GTPBP10: variants seen among roughly 807,000 people sequenced by gnomAD.
GTPBP10 encodes the protein GTP-binding protein 10.
A neutral mutation model predicts 44.8 loss-of-function variants in GTPBP10; 38 were observed. That is an observed-to-expected ratio of 0.85 (90% confidence interval 0.65 to 1.11). GTPBP10 has a LOEUF of 1.11. Among genes scored for constraint, GTPBP10 ranks in the 50% most tolerant of loss-of-function variants. The pLI is 0.00. For missense variants in GTPBP10, 462 were observed against 453.7 expected (o/e 1.02, Z -0.17); for synonymous variants, 152 against 150.6 (o/e 1.01, Z -0.07).
intron 4 of GTPBP10, among the ~76,000 whole-genome samples, chr7:90,360,665 A>G (rs1170564603): frequency 6.6e-6 from 1 of 152,112 alleles, no homozygotes; most frequent in Admixed American, 6.5e-5. Flanking sequence ...GTTTTTTCCA[A>G]TTCTGTAAAG....
At chr7:90,359,429 A>G (rs905318647) in intron 4 of GTPBP10, among the ~76,000 whole-genome samples, 1 of 152,030 alleles carries the variant, frequency 6.6e-6, no homozygotes, top group Non-Finnish European at 1.5e-5. Flanking sequence ...GCTGAGAATG[A>G]TGGTTTCCAG....
intron 5 of GTPBP10, 63 bp downstream of exon 5, chr7:90,372,291 TCTGAGA>T: frequency 9.1e-7 from 1 of 1,097,324 alleles, no homozygotes; most frequent in East Asian, 2.5e-5. Flanking sequence ...CTAATATTTC[TCTGAGA>T]ATGAATAAAA....
intron 3 of GTPBP10, 104 bp from the exon 4 acceptor site, chr7:90,354,982 T>G: frequency 1.5e-6 from 1 of 663,754 alleles, no homozygotes; most frequent in Non-Finnish European, 2.5e-6. Flanking sequence ...ATCTATAGAT[T>G]TGTAATTTTG....
rs115832915 is a variant in GTPBP10, at chr7:90,376,252, A to G, written c.592-1255A>G. Reference sequence around the variant, plus strand: ...TCTCTCAAAAAAAGAAAAGAAAAGCACAAGTGTAAAATGATGGTTAATAAT... The same window carrying G: ...TCTCTCAAAAAAAGAAAAGAAAAGCGCAAGTGTAAAATGATGGTTAATAAT... On this transcript the variant is annotated intron_variant, in intron 6 of 9. Transcript: ENST00000222511. Among the ~76,000 whole-genome samples, 1,258 of 152,140 alleles carry G rather than the reference A, an allele frequency of 8.3e-3. 14 individuals are homozygous for G. The highest frequency in any genetic ancestry group is 0.028 in the African/African-American group (1,182 of 41,494).
At chr7:90,356,525 T>C (rs967440023) in intron 4 of GTPBP10, among the ~76,000 whole-genome samples, 3 of 152,208 alleles carry the variant, frequency 2.0e-5, no homozygotes. Flanking sequence ...TGGAGTGGCA[T>C]GGAGGACTCA....
intron 4 of GTPBP10, among the ~76,000 whole-genome samples, chr7:90,359,523 T>C (rs1445629782): frequency 1.3e-5 from 2 of 152,242 alleles, no homozygotes; most frequent in African/African-American, 2.4e-5. Flanking sequence ...TGCCACGTTT[T>C]CTTAATTCAG....
chr7:90,355,270 A>G, intron 4 of GTPBP10, 40 bp downstream of exon 4: 2 of 1,289,140 alleles, frequency 1.6e-6, no homozygotes, highest in Non-Finnish European at 2.1e-6. Context: ...ACTTTCAGAG[A>G]GAGAGTTCTT....
chr7:90,370,664 A>G (rs1395263478), intron 4 of GTPBP10, among the ~76,000 whole-genome samples: 1 of 152,166 alleles, frequency 6.6e-6, no homozygotes, highest in Non-Finnish European at 1.5e-5. Context: ...ATGTAACAAC[A>G]ACAACAAAAA....
intron 4 of GTPBP10, among the ~76,000 whole-genome samples, chr7:90,367,589 A>C (rs1796160146): frequency 6.6e-6 from 1 of 152,070 alleles, no homozygotes; most frequent in Admixed American, 6.6e-5. Flanking sequence ...TTTATCAGAG[A>C]CTAGGATTGC....
rs149486407 is a variant in GTPBP10, at chr7:90,377,586, T to C, written c.671T>C (p.Ile224Thr). 1.2e-5 allele frequency: 19 copies of C among 1,609,492 alleles called. No individual in the cohort carries two copies. Among genetic ancestry groups the C allele is most frequent in the Non-Finnish European group, 1.5e-5 (18 of 1,176,762 alleles). The change falls in exon 7 of 10, where the codon ATA becomes ACA. Residue 224 changes from isoleucine (I) to threonine (T), a missense_variant. Ile to Thr is a moderately conservative substitution (Grantham distance 89). Coordinates refer to ENST00000222511, the MANE Select transcript of GTPBP10 (RefSeq NM_033107.4). ...ATGGGCCACAAATTCCTCAAGCATA[T>C]AGAAAGAACTAGACAACTACTTTTT... ...KGMGHKFLKH[I>T]ERTRQLLFVV...
chr7:90,364,330 CTGTT>C (rs1292866968), intron 4 of GTPBP10, among the ~76,000 whole-genome samples: 2 of 152,120 alleles, frequency 1.3e-5, no homozygotes, highest in African/African-American at 2.4e-5. Context: ...GATGTCCTTT[CTGTT>C]TGTTAGTTTT....
intron 5 of GTPBP10, 54 bp downstream of exon 5, chr7:90,372,282 T>A: frequency 8.6e-7 from 1 of 1,158,808 alleles, no homozygotes; most frequent in Non-Finnish European, 1.3e-6. Flanking sequence ...TTTTAAAGAC[T>A]AATATTTCTC....
At chr7:90,359,603 C>T (rs1013507407) in intron 4 of GTPBP10, among the ~76,000 whole-genome samples, 11 of 152,120 alleles carry the variant, frequency 7.2e-5, no homozygotes, top group Non-Finnish European at 1.0e-4. Flanking sequence ...AATAAACATA[C>T]GTGTGCATCT....
intron 8 of GTPBP10, among the ~76,000 whole-genome samples, chr7:90,378,863 C>A (rs924246525): frequency 6.6e-6 from 1 of 151,930 alleles, no homozygotes; most frequent in Non-Finnish European, 1.5e-5. Flanking sequence ...CCACCACGCC[C>A]GGCTAATTTT....
intron 4 of GTPBP10, among the ~76,000 whole-genome samples, chr7:90,362,952 C>T (rs898899690): frequency 6.6e-6 from 1 of 152,122 alleles, no homozygotes; most frequent in Non-Finnish European, 1.5e-5. Flanking sequence ...ACTAGGGTTG[C>T]AACCCCTGCC....
intron 1 of GTPBP10, among the ~76,000 whole-genome samples, chr7:90,350,533 A>G (rs10235104): frequency 0.013 from 1,995 of 152,328 alleles, 48 homozygotes; most frequent in African/African-American, 0.044. Flanking sequence ...TTTGCTGGCA[A>G]TTAATTCTTT....
At chr7:90,373,603 A>G (rs1378247814) in intron 5 of GTPBP10, among the ~76,000 whole-genome samples, 1 of 152,214 alleles carries the variant, frequency 6.6e-6, no homozygotes, top group African/African-American at 2.4e-5. Context: ...GTCATAGGAA[A>G]GAGGCTAGCG....
chr7:90,385,272 A>C lies in GTPBP10; in HGVS notation c.*118A>C. ...AAATAAGCCAGGCTTAGAAAGACAA[A>C]TGCTGCATAATCTCACTGTGGAATC... On this transcript the variant is annotated 3_prime_UTR_variant, in exon 10 of 10. Coordinates refer to ENST00000222511, the MANE Select transcript of GTPBP10 (RefSeq NM_033107.4). 1.5e-6 allele frequency: 1 copy of C among 665,726 alleles called. No individual in the cohort carries two copies. The highest frequency in any genetic ancestry group is 2.4e-6 in the Non-Finnish European group (1 of 409,934). The allele number at this position is 665,726 out of a possible 1,614,324, so 41.2% of individuals were successfully genotyped here.
chr7:90,380,433 G>T (rs1796417528), intron 8 of GTPBP10, among the ~76,000 whole-genome samples: 2 of 152,042 alleles, frequency 1.3e-5, no homozygotes, highest in Admixed American at 1.3e-4. Context: ...CCCCTTCTGT[G>T]ACTTGTCTTT....
Sources: allele counts gnomAD v4.1 joint callset (sites outside exome capture counted in the v4.1 genomes callset), GRCh38; gene constraint gnomAD v4.1.1; transcripts MANE v1.5; gene names NCBI Gene and HGNC (gene_info 2026-07-23, HGNC 2026-07-21).